Variants in PLEKHA7 observed in about 807,000 individuals in gnomAD.
PLEKHA7 encodes pleckstrin homology domain containing A7.
In PLEKHA7, 104 loss-of-function variants were observed where a neutral mutation model predicts 170.0. The ratio of observed to expected loss-of-function variants is 0.61; its 90% CI spans 0.52 to 0.72. PLEKHA7 has a LOEUF of 0.72. PLEKHA7 is among the 30% of genes least tolerant of loss of function. PLEKHA7 has a pLI of 0.00. For synonymous variants in PLEKHA7, 648 were observed against 660.8 expected (o/e 0.98, Z 0.30); for missense variants, 1,615 against 1,671.7 (o/e 0.97, Z 0.59).
In PLEKHA7 at chr11:16,841,627, G is replaced by A. The variant is rs778071325; in HGVS notation, c.792C>T (p.Ala264=). ...QSGMRTYYFS[A]DTQEDMNAWV... ...AAGCGTTCATGTCCTCCTGGGTGTCGGCACTGAAGTAGTAGGTCCTCATGC... is the reference window on the plus strand; with the variant it reads ...AAGCGTTCATGTCCTCCTGGGTGTCAGCACTGAAGTAGTAGGTCCTCATGC... The change falls in exon 9 of 27, where the codon GCC becomes GCT. Residue 264 remains alanine, a synonymous_variant. Coordinates refer to ENST00000531066, the MANE Select transcript of PLEKHA7 (RefSeq NM_001329630.2). 13 of 1,613,980 alleles carry A rather than the reference G, an allele frequency of 8.1e-6. No individual in the cohort carries two copies. Among genetic ancestry groups the A allele is most frequent in the Middle Eastern group, 3.3e-4 (2 of 6,064 alleles).
intron 3 of PLEKHA7, among the ~76,000 whole-genome samples, chr11:16,888,923 CCT>C (rs1450179009): frequency 3.5e-5 from 5 of 142,082 alleles, no homozygotes; most frequent in African/African-American, 1.3e-4. Flanking sequence ...AAAAAGAAAC[CCT>C]GTCTCTACTA....
chr11:16,783,972 A>C, intron 24 of PLEKHA7, 139 bp from the exon 25 acceptor site: 1 of 958,330 alleles, frequency 1.0e-6, no homozygotes. Flanking sequence ...AGATCACAAA[A>C]TTAGTCAGTT....
At chr11:16,808,878 C>T (rs1849167165) in intron 13 of PLEKHA7, among the ~76,000 whole-genome samples, 1 of 152,204 alleles carries the variant, frequency 6.6e-6, no homozygotes, top group African/African-American at 2.4e-5. Flanking sequence ...GCGTGTGATG[C>T]ATGGACGAAA....
rs183821662 is a variant in PLEKHA7 at position 16,891,116 on chromosome 11, T to C, written c.222-19934A>G. Among the ~76,000 whole-genome samples, 576 of 152,142 alleles carry C rather than the reference T, an allele frequency of 3.8e-3. 1 individual carries two copies. Among genetic ancestry groups the C allele is most frequent in the Admixed American group, 7.4e-3 (113 of 15,292 alleles). Reference sequence around the variant, plus strand: ...TCTTTTTAGAGATGGGGTCTTGCTATGTTTCCCAGGCTGGTCTCAAACTAC... The same window carrying C: ...TCTTTTTAGAGATGGGGTCTTGCTACGTTTCCCAGGCTGGTCTCAAACTAC... On this transcript the variant is annotated intron_variant, in intron 3 of 26. Coordinates refer to ENST00000531066, the MANE Select transcript of PLEKHA7 (RefSeq NM_001329630.2).
At chr11:16,846,077 G>T (rs1169343431) in intron 8 of PLEKHA7, among the ~76,000 whole-genome samples, 5 of 152,140 alleles carry the variant, frequency 3.3e-5, no homozygotes, top group Admixed American at 1.3e-4. Context: ...CTGAGCTCAG[G>T]AGTTTGAGAC....
At chr11:16,979,113 T>C (rs568313886) in intron 3 of PLEKHA7, among the ~76,000 whole-genome samples, 4 of 152,256 alleles carry the variant, frequency 2.6e-5, no homozygotes, top group African/African-American at 4.8e-5. Flanking sequence ...TCTTGGCTCA[T>C]TGCAACCTCC....
chr11:16,824,794 C>A (rs1217979570), intron 10 of PLEKHA7, among the ~76,000 whole-genome samples: 2 of 152,186 alleles, frequency 1.3e-5, no homozygotes, highest in East Asian at 3.9e-4. Context: ...AAATGCCTTA[C>A]TTTGGAGTAT....
At chr11:16,845,684 C>G (rs1852340053) in intron 8 of PLEKHA7, among the ~76,000 whole-genome samples, 1 of 152,050 alleles carries the variant, frequency 6.6e-6, no homozygotes, top group Non-Finnish European at 1.5e-5. Flanking sequence ...AGGGTTTAAA[C>G]TGGGGAATGA....
chr11:16,783,676 A>C (rs1013302368), intron 25 of PLEKHA7, 24 bp downstream of exon 25: 3 of 1,389,602 alleles, frequency 2.2e-6, no homozygotes, highest in Non-Finnish European at 2.8e-6. Context: ...TGACCTGCCA[A>C]CACTTGAGCA....
At chr11:16,803,143 C>T (rs938828778) in intron 14 of PLEKHA7, 84 bp downstream of exon 14, 1 of 1,562,530 alleles carries the variant, frequency 6.4e-7, no homozygotes, top group African/African-American at 1.4e-5. Context: ...GCTACAGAAC[C>T]ATCCAAGCCC....
chr11:16,797,970 G>A (rs1017238638), intron 17 of PLEKHA7, among the ~76,000 whole-genome samples: 2 of 152,150 alleles, frequency 1.3e-5, no homozygotes, highest in Non-Finnish European at 1.5e-5. Flanking sequence ...TTCATAATGA[G>A]GGGAGGGGAA....
At chr11:16,937,018 A>G (rs1012111977) in intron 3 of PLEKHA7, among the ~76,000 whole-genome samples, 6 of 152,226 alleles carry the variant, frequency 3.9e-5, no homozygotes, top group Admixed American at 6.5e-5. Context: ...TTTGAGGACT[A>G]CCAGCAACAT....
chr11:17,010,104 G>A (rs542252014), intron 3 of PLEKHA7, among the ~76,000 whole-genome samples: 91 of 152,230 alleles, frequency 6.0e-4, no homozygotes, highest in African/African-American at 2.1e-3. Context: ...AATGGACTCC[G>A]AGGCCAGGCA....
intron 3 of PLEKHA7, among the ~76,000 whole-genome samples, chr11:16,944,597 C>T (rs901335140): frequency 5.3e-5 from 8 of 150,664 alleles, no homozygotes; most frequent in African/African-American, 1.7e-4. Context: ...CAAAACAGGG[C>T]ACTATTCTCA....
intron 3 of PLEKHA7, among the ~76,000 whole-genome samples, chr11:16,894,734 G>T (rs974183337): frequency 6.6e-6 from 1 of 152,138 alleles, no homozygotes; most frequent in Non-Finnish European, 1.5e-5. Context: ...CTAACAGAGA[G>T]CCCGCCATCC....
chr11:16,871,188 G>A lies in PLEKHA7; in HGVS notation c.222-6C>T, dbSNP rs760886376. 127 of 1,594,066 alleles carry A rather than the reference G, an allele frequency of 8.0e-5. 1 individual carries two copies. Among genetic ancestry groups the A allele is most frequent in the Non-Finnish European group, 1.0e-4 (121 of 1,162,184 alleles). ...CTGTGGTCTGCTGGTTATGGCTAAA[G>A]AGAAAGAGAGAAGATGGATGAGAAT... On this transcript the variant is annotated splice_polypyrimidine_tract_variant and splice_region_variant and intron_variant, in intron 3 of 26. Coordinates refer to ENST00000531066, the MANE Select transcript of PLEKHA7 (RefSeq NM_001329630.2).
chr11:17,010,684 A>T (rs190819267), intron 3 of PLEKHA7, among the ~76,000 whole-genome samples: 1 of 152,236 alleles, frequency 6.6e-6, no homozygotes, highest in Non-Finnish European at 1.5e-5. Context: ...AAAACCTCAC[A>T]CAACTTTCCT....
intron 9 of PLEKHA7, among the ~76,000 whole-genome samples, chr11:16,836,173 G>A (rs1851497865): frequency 6.6e-6 from 1 of 152,160 alleles, no homozygotes; most frequent in Non-Finnish European, 1.5e-5. Context: ...ATGAGTTTGG[G>A]CCCACTGCAG....
At chr11:16,966,298 G>A (rs200220485) in intron 3 of PLEKHA7, among the ~76,000 whole-genome samples, 1 of 5,436 alleles carries the variant, frequency 1.8e-4, no homozygotes, top group Non-Finnish European at 1.0e-3. Context: ...GTATGTGTGT[G>A]TGTGTGTGTG....
Sources: gnomAD v4.1 joint callset for allele counts (sites outside exome capture counted in the v4.1 genomes callset) on GRCh38, gnomAD v4.1.1 for gene constraint, MANE v1.5 for transcripts, NCBI Gene and HGNC (gene_info 2026-07-23, HGNC 2026-07-21) for gene names.